RNF130: variants seen among roughly 807,000 people sequenced by gnomAD.
RNF130 encodes the protein ring finger protein 130, also known as E3 ubiquitin-protein ligase RNF130.
RNF130 carries 21 observed loss-of-function variants against 44.6 expected under a neutral mutation model. The ratio of observed to expected loss-of-function variants is 0.47; its 90% CI spans 0.33 to 0.68. RNF130 has a LOEUF of 0.68. Among genes scored for constraint, RNF130 ranks in the 30% least tolerant of loss-of-function variants. RNF130 has a pLI of 0.02. For synonymous variants in RNF130, 214 were observed against 210.4 expected (o/e 1.02, Z -0.15); for missense variants, 479 against 560.6 (o/e 0.85, Z 1.47).
At chr5:180,018,927 AG>A (rs1437568056) in intron 2 of RNF130, among the ~76,000 whole-genome samples, 2 of 152,244 alleles carry the variant, frequency 1.3e-5, no homozygotes, top group Non-Finnish European at 2.9e-5. Context: ...AGGAAGATCC[AG>A]GAAGAGAACA....
intron 7 of RNF130, among the ~76,000 whole-genome samples, chr5:179,922,732 A>G (rs1450443037): frequency 6.6e-6 from 1 of 151,716 alleles, no homozygotes. Context: ...TCAGGAGTTC[A>G]AGACTAGCCT....
At chr5:180,008,747 G>A (rs1438707343) in intron 3 of RNF130, among the ~76,000 whole-genome samples, 4 of 152,088 alleles carry the variant, frequency 2.6e-5, no homozygotes, top group African/African-American at 7.2e-5. Context: ...AGCCGGACAC[G>A]GTGGCATGCG....
intron 7 of RNF130, among the ~76,000 whole-genome samples, chr5:179,934,857 A>AT (rs1223045823): frequency 2.0e-5 from 3 of 151,514 alleles, no homozygotes; most frequent in South Asian, 2.1e-4. Flanking sequence ...GGCTTGGTTG[A>AT]TTTTTTTTCT....
intron 6 of RNF130, among the ~76,000 whole-genome samples, chr5:179,969,860 G>A (rs1002858999): frequency 3.6e-4 from 54 of 152,052 alleles, no homozygotes; most frequent in Admixed American, 7.9e-4. Flanking sequence ...GGGTGGTGAC[G>A]GGCACCTGCA....
At chr5:179,956,575 C>T (rs10479552) in intron 8 of RNF130, 2,578 of 152,980 alleles carry the variant, frequency 0.017, 74 homozygotes, top group African/African-American at 0.058. Flanking sequence ...TCCTGCCTAC[C>T]GTCACCACCA....
intron 1 of RNF130, among the ~76,000 whole-genome samples, chr5:180,061,521 G>A (rs1332008381): frequency 1.3e-5 from 2 of 152,178 alleles, no homozygotes; most frequent in Non-Finnish European, 2.9e-5. Flanking sequence ...CCTACTGGAG[G>A]CTCAAGGGAA....
chr5:179,997,451 G>T (rs1178705083), intron 3 of RNF130, among the ~76,000 whole-genome samples: 1 of 152,188 alleles, frequency 6.6e-6, no homozygotes, highest in Non-Finnish European at 1.5e-5. Context: ...AGCCTCCCGA[G>T]TAGCTGGGAC....
At chr5:179,937,287 T>C (rs565924851) in intron 7 of RNF130, among the ~76,000 whole-genome samples, 1 of 152,270 alleles carries the variant, frequency 6.6e-6, no homozygotes, top group East Asian at 1.9e-4. Context: ...GAGAAAACAT[T>C]TGTAAATCAC....
At chr5:179,964,208 C>T (rs1268043416) in intron 7 of RNF130, 1 of 152,396 alleles carries the variant, frequency 6.6e-6, no homozygotes, top group Non-Finnish European at 1.5e-5. Flanking sequence ...CAGGCTGTGA[C>T]AAGCACAAGT....
exon 8 of RNF130, chr5:179,918,590 A>G (rs1052720866): frequency 4.6e-5 from 7 of 152,180 alleles, no homozygotes; most frequent in South Asian, 2.1e-4. Context: ...TGAGAGCCCA[A>G]TGGGGAAACC....
At chr5:179,938,324 G>C (rs1321088872) in intron 7 of RNF130, among the ~76,000 whole-genome samples, 1 of 152,040 alleles carries the variant, frequency 6.6e-6, no homozygotes, top group Non-Finnish European at 1.5e-5. Context: ...CACATACTTT[G>C]CATGATTCAA....
intron 6 of RNF130, among the ~76,000 whole-genome samples, 164 bp from the exon 7 acceptor site, chr5:179,967,174 C>T (rs1419569228): frequency 6.6e-6 from 1 of 152,202 alleles, no homozygotes; most frequent in Admixed American, 6.5e-5. Flanking sequence ...TCCTTCTTCT[C>T]TCACCCTAAG....
At chr5:179,915,012 A>G (rs1761520519) in exon 8 of RNF130, 2 of 152,260 alleles carry the variant, frequency 1.3e-5, no homozygotes, top group South Asian at 4.2e-4. Context: ...AGTCTGGGCA[A>G]CAGAGTGAGA....
intron 1 of RNF130, among the ~76,000 whole-genome samples, chr5:180,045,541 C>A (rs1305798817): frequency 6.6e-6 from 1 of 152,200 alleles, no homozygotes; most frequent in East Asian, 1.9e-4. Context: ...TGCACGTTGC[C>A]GCTGCTGGCT....
intron 2 of RNF130, among the ~76,000 whole-genome samples, chr5:180,033,975 C>T (rs1724212364): frequency 6.6e-6 from 1 of 152,132 alleles, no homozygotes; most frequent in Non-Finnish European, 1.5e-5. Flanking sequence ...ACATCCTTGG[C>T]TTGTTCCTGA....
chr5:179,949,906 T>C (rs569316679), intron 7 of RNF130, among the ~76,000 whole-genome samples: 4 of 152,292 alleles, frequency 2.6e-5, no homozygotes, highest in African/African-American at 9.6e-5. Context: ...TAGCCTCACG[T>C]GGAAAATGGT....
At chr5:180,022,921 C>G (rs927887973) in intron 2 of RNF130, among the ~76,000 whole-genome samples, 3 of 152,154 alleles carry the variant, frequency 2.0e-5, no homozygotes, top group African/African-American at 7.2e-5. Context: ...GCATTCTAAC[C>G]AAGGGAGATT....
intron 8 of RNF130, among the ~76,000 whole-genome samples, chr5:179,962,507 T>C (rs1262876085): frequency 6.6e-6 from 1 of 152,198 alleles, no homozygotes; most frequent in African/African-American, 2.4e-5. Context: ...CATATCAACC[T>C]AGGTTCAAAT....
intron 1 of RNF130, among the ~76,000 whole-genome samples, chr5:180,067,932 C>T (rs1237932136): frequency 1.3e-5 from 2 of 152,176 alleles, no homozygotes; most frequent in Non-Finnish European, 2.9e-5. Context: ...AAGGCTTCGT[C>T]TAATAGGATT....
Sources: gnomAD v4.1 joint callset for allele counts (sites outside exome capture counted in the v4.1 genomes callset) on GRCh38, gnomAD v4.1.1 for gene constraint, MANE v1.5 for transcripts, NCBI Gene and HGNC (gene_info 2026-07-23, HGNC 2026-07-21) for gene names.